Variants in RSU1 observed in about 807,000 individuals in gnomAD.
The protein encoded by RSU1 is Ras suppressor protein 1.
In RSU1, 26 loss-of-function variants were observed where a neutral mutation model predicts 31.1. That is an observed-to-expected ratio of 0.84 (90% CI 0.61 to 1.16). The LOEUF (loss-of-function observed/expected upper bound fraction) is 1.16, where lower values mean the gene tolerates loss of function less well. Among genes scored for constraint, RSU1 ranks in the 50% most tolerant of loss-of-function variants. RSU1 has a pLI of 0.00. For missense variants in RSU1, 320 were observed against 339.1 expected (o/e 0.94, Z 0.44); for synonymous variants, 164 against 136.3 (o/e 1.20, Z -1.41).
chr10:16,650,465 C>G (rs1297815897), intron 8 of RSU1, among the ~76,000 whole-genome samples: 2 of 151,434 alleles, frequency 1.3e-5, no homozygotes, highest in Non-Finnish European at 2.9e-5. Context: ...ATAAAGGCAT[C>G]TTTTGAGAAG....
chr10:16,769,936 T>C (rs1478472196), intron 3 of RSU1, among the ~76,000 whole-genome samples: 1 of 152,192 alleles, frequency 6.6e-6, no homozygotes, highest in Non-Finnish European at 1.5e-5. Flanking sequence ...GTAAGATCAC[T>C]GTTGCTTAAG....
At chr10:16,664,820 T>C (rs1280688011) in intron 8 of RSU1, among the ~76,000 whole-genome samples, 1 of 152,262 alleles carries the variant, frequency 6.6e-6, no homozygotes, top group Non-Finnish European at 1.5e-5. Flanking sequence ...CTCTTTACCA[T>C]ATATTCTTGA....
chr10:16,772,954 C>G (rs1164617028), intron 3 of RSU1, among the ~76,000 whole-genome samples: 1 of 152,208 alleles, frequency 6.6e-6, no homozygotes, highest in East Asian at 1.9e-4. Context: ...CACCTGTAAT[C>G]CCAGCACTTT....
chr10:16,789,768 C>T (rs368376928), intron 2 of RSU1, among the ~76,000 whole-genome samples: 64 of 152,200 alleles, frequency 4.2e-4, no homozygotes, highest in African/African-American at 1.5e-3. Context: ...GCTAACCAGA[C>T]ACCATTCAGA....
intron 2 of RSU1, among the ~76,000 whole-genome samples, chr10:16,791,183 T>C (rs7077158): frequency 0.19 from 28,217 of 151,900 alleles, 2,685 homozygotes; most frequent in African/African-American, 0.22. Context: ...TGCACCACCA[T>C]ACCCAGCTAA....
chr10:16,606,697 C>T (rs1425790305), intron 8 of RSU1, among the ~76,000 whole-genome samples: 1 of 152,198 alleles, frequency 6.6e-6, no homozygotes, highest in Non-Finnish European at 1.5e-5. Flanking sequence ...CCATGTGGAG[C>T]ACACATTGTC....
intron 7 of RSU1, among the ~76,000 whole-genome samples, chr10:16,736,829 T>C (rs1564338503): frequency 6.6e-6 from 1 of 151,930 alleles, no homozygotes. Flanking sequence ...ATAAATAGTA[T>C]CTAAATTGAG....
At chr10:16,648,476 T>C (rs1834618672) in intron 8 of RSU1, among the ~76,000 whole-genome samples, 1 of 152,154 alleles carries the variant, frequency 6.6e-6, no homozygotes, top group Admixed American at 6.6e-5. Flanking sequence ...AGGTCAAAGT[T>C]TGCTACGAGC....
At chr10:16,630,458 C>T (rs530930732) in intron 8 of RSU1, among the ~76,000 whole-genome samples, 11 of 152,322 alleles carry the variant, frequency 7.2e-5, no homozygotes, top group Admixed American at 2.6e-4. Context: ...CTTTCTTATT[C>T]GTTCCAATGA....
rs67816326 is a variant in RSU1, at chr10:16,697,987, C to CTTTTTTTT, written c.599-2840_599-2833dup. ...CAGAGGGGTGATTGCAGGAACACAC[C>CTTTTTTTT]TTTTTTTTTTTTTTTTTTTTTTTTT... On this transcript the variant is annotated intron_variant, in intron 7 of 8. Transcript: ENST00000345264. 1.1e-3 allele frequency among the ~76,000 whole-genome samples: 114 copies of CTTTTTTTT among 99,552 alleles called. 9 individuals carry two copies. In the East Asian group the frequency reaches 0.02, roughly 18 times the overall value. 65.3% of individuals were successfully genotyped at this position (99,552 alleles called of 152,430 possible). A position where few individuals can be genotyped will look rare whatever the true frequency, so the allele number is the denominator to read the frequency against.
At chr10:16,661,951 T>A (rs1383017519) in intron 8 of RSU1, among the ~76,000 whole-genome samples, 1 of 152,272 alleles carries the variant, frequency 6.6e-6, no homozygotes, top group Non-Finnish European at 1.5e-5. Flanking sequence ...TGACTCATTC[T>A]GCATCTAGTC....
chr10:16,707,515 T>C (rs796256893), intron 7 of RSU1, among the ~76,000 whole-genome samples: 12 of 152,266 alleles, frequency 7.9e-5, no homozygotes, highest in African/African-American at 2.9e-4. Flanking sequence ...TGGCCATCTG[T>C]ATGTCTGCTT....
At chr10:16,703,777 A>G (rs1835841384) in intron 7 of RSU1, among the ~76,000 whole-genome samples, 1 of 152,262 alleles carries the variant, frequency 6.6e-6, no homozygotes, top group Non-Finnish European at 1.5e-5. Context: ...AGAAATACAC[A>G]TATAAGTGTA....
chr10:16,627,311 G>A (rs2131486236), intron 8 of RSU1, among the ~76,000 whole-genome samples: 1 of 152,254 alleles, frequency 6.6e-6, no homozygotes, highest in South Asian at 2.1e-4. Flanking sequence ...TATAGTTGGG[G>A]AATTATAATG....
intron 2 of RSU1, among the ~76,000 whole-genome samples, chr10:16,793,840 T>C (rs990869168): frequency 3.3e-5 from 5 of 151,242 alleles, no homozygotes; most frequent in Non-Finnish European, 7.4e-5. Flanking sequence ...ATTTGTCAAC[T>C]TGACTGGGCT....
chr10:16,710,729 A>C (rs1013268598), intron 7 of RSU1, among the ~76,000 whole-genome samples: 8 of 150,050 alleles, frequency 5.3e-5, no homozygotes, highest in African/African-American at 1.9e-4. Flanking sequence ...CAGGTTTGTT[A>C]CATAGGTATA....
intron 7 of RSU1, among the ~76,000 whole-genome samples, chr10:16,700,738 C>A (rs1404983871): frequency 6.6e-6 from 1 of 152,188 alleles, no homozygotes. Context: ...TTGTAATAGA[C>A]AGTGTCGGCA....
intron 4 of RSU1, among the ~76,000 whole-genome samples, chr10:16,760,836 C>T (rs1478440074): frequency 6.6e-6 from 1 of 152,144 alleles, no homozygotes; most frequent in Non-Finnish European, 1.5e-5. Flanking sequence ...CTCCCTCCAC[C>T]CTCTTCTCCA....
At chr10:16,756,568 C>T (rs1837090572) in intron 4 of RSU1, among the ~76,000 whole-genome samples, 1 of 152,184 alleles carries the variant, frequency 6.6e-6, no homozygotes, top group Non-Finnish European at 1.5e-5. Flanking sequence ...TTACGACTTT[C>T]TTAATAACAT....
Sources: gnomAD v4.1 joint callset for allele counts (sites outside exome capture counted in the v4.1 genomes callset) on GRCh38, gnomAD v4.1.1 for gene constraint, MANE v1.5 for transcripts, NCBI Gene and HGNC (gene_info 2026-07-23, HGNC 2026-07-21) for gene names.